ANKS1B: variants seen among roughly 807,000 people sequenced by gnomAD.
ANKS1B encodes the protein ankyrin repeat and sterile alpha motif domain-containing protein 1B.
In ANKS1B, 36 loss-of-function variants were observed where a neutral mutation model predicts 148.3. The observed-to-expected ratio is 0.24, with a 90% CI of 0.19 to 0.32. ANKS1B has a LOEUF of 0.32. Among genes scored for constraint, ANKS1B ranks in the 10% least tolerant of loss-of-function variants. The pLI is 1.00. For synonymous variants in ANKS1B, 542 were observed against 560.8 expected, an observed-to-expected ratio of 0.97 and a Z score of 0.47; for missense variants, 1,157 against 1,542.6, an observed-to-expected ratio of 0.75 and a Z score of 4.19.
intron 11 of ANKS1B, among the ~76,000 whole-genome samples, chr12:99,413,620 T>A (rs1323140874): frequency 6.6e-6 from 1 of 152,374 alleles, no homozygotes; most frequent in Non-Finnish European, 1.5e-5. Flanking sequence ...ACATTTTTTA[T>A]AAGAGAAAGG....
Position 99,955,986 on chromosome 12 carries a change from G to A in ANKS1B, c.134+28118C>T, listed in dbSNP as rs551529330. Among the ~76,000 whole-genome samples the A allele has an allele frequency of 4.5e-4, 68 of 152,146 alleles. No individual in the cohort carries two copies. In the South Asian group the frequency reaches 0.014, roughly 31 times the overall value. On this transcript the variant is annotated intron_variant, in intron 1 of 26. Transcript: ENST00000683438. Reference sequence around the variant, plus strand: ...TAATGGTCTTAAAATAAAAGTACATGGGATGAGGCTGGGTGCCATGGCTCA... The same window carrying A: ...TAATGGTCTTAAAATAAAAGTACATAGGATGAGGCTGGGTGCCATGGCTCA...
chr12:98,872,215 G>A (rs1188589369), intron 17 of ANKS1B, among the ~76,000 whole-genome samples: 1 of 152,146 alleles, frequency 6.6e-6, no homozygotes, highest in Non-Finnish European at 1.5e-5. Flanking sequence ...ACCTATGAAT[G>A]AGACTGTAGT....
At chr12:99,427,773 G>C (rs1409288957) in intron 11 of ANKS1B, among the ~76,000 whole-genome samples, 1 of 152,182 alleles carries the variant, frequency 6.6e-6, no homozygotes, top group African/African-American at 2.4e-5. Flanking sequence ...GGGCATCTCA[G>C]TGAAGATGGG....
At chr12:99,751,607 T>C (rs2061111959) in intron 8 of ANKS1B, among the ~76,000 whole-genome samples, 1 of 152,096 alleles carries the variant, frequency 6.6e-6, no homozygotes, top group Admixed American at 6.6e-5. Flanking sequence ...ATTCTTCTTT[T>C]GTTCATTGAT....
intron 1 of ANKS1B, among the ~76,000 whole-genome samples, chr12:99,877,040 T>A (rs1363723096): frequency 6.6e-6 from 1 of 152,154 alleles, no homozygotes; most frequent in Non-Finnish European, 1.5e-5. Flanking sequence ...GTGTCTATAC[T>A]GATATACTGG....
chr12:99,835,876 A>C (rs892365160), intron 1 of ANKS1B, among the ~76,000 whole-genome samples: 1 of 152,352 alleles, frequency 6.6e-6, no homozygotes, highest in Admixed American at 6.5e-5. Context: ...CCACCATAGC[A>C]CACGTTTACC....
At chr12:99,625,319 T>C (rs994090894) in intron 9 of ANKS1B, among the ~76,000 whole-genome samples, 2 of 152,018 alleles carry the variant, frequency 1.3e-5, no homozygotes, top group African/African-American at 4.8e-5. Context: ...ATCAATCATA[T>C]CCCAAACCTC....
At chr12:98,735,711 T>C in intron 9 of ANKS1B, 6 of 655,288 alleles carry the variant, frequency 9.2e-6, no homozygotes, top group Non-Finnish European at 1.7e-5. Context: ...AGATGTACCA[T>C]GTGCCTGGCA....
chr12:98,845,723 CTT>C lies in ANKS1B; in HGVS notation c.2779-13589_2779-13588del, dbSNP rs79874270. Among the ~76,000 whole-genome samples, 1,282 of 142,118 alleles carry C rather than the reference CTT, an allele frequency of 9.0e-3. 26 individuals carry two copies. Among genetic ancestry groups the C allele is most frequent in the African/African-American group, 0.032 (1,233 of 38,762 alleles). The allele number at this position is 142,118 out of a possible 152,430, so 93.2% of individuals were successfully genotyped here. ...AGTAATGATTCCCAGATAATTAAAA[CTT>C]TTTTTTTTTTTTAATTAAGGTAACT... On this transcript the variant is annotated intron_variant, in intron 17 of 26. Transcript: ENST00000683438.
chr12:99,983,594 G>A (rs954821919), intron 1 of ANKS1B, among the ~76,000 whole-genome samples: 1 of 152,156 alleles, frequency 6.6e-6, no homozygotes, highest in Non-Finnish European at 1.5e-5. Flanking sequence ...CATCTCACCA[G>A]AAAGAAGGTT....
At chr12:99,577,216 A>G (rs919472691) in intron 9 of ANKS1B, among the ~76,000 whole-genome samples, 2 of 151,440 alleles carry the variant, frequency 1.3e-5, no homozygotes, top group African/African-American at 4.8e-5. Flanking sequence ...GTGTACATGC[A>G]ATTTTCTGTC....
At chr12:99,410,158 C>T (rs2094644466) in intron 11 of ANKS1B, among the ~76,000 whole-genome samples, 1 of 152,144 alleles carries the variant, frequency 6.6e-6, no homozygotes, top group African/African-American at 2.4e-5. Context: ...ATATTAGTAA[C>T]ACATGAAAAT....
At chr12:98,800,800 C>T (rs867941981) in intron 21 of ANKS1B, among the ~76,000 whole-genome samples, 197 bp downstream of exon 21, 5 of 151,554 alleles carry the variant, frequency 3.3e-5, no homozygotes, top group East Asian at 1.9e-4. Context: ...AAGATTAAAA[C>T]GGTTTTAAAG....
chr12:98,763,346 G>T (rs1011025811), intron 25 of ANKS1B, among the ~76,000 whole-genome samples: 4 of 152,132 alleles, frequency 2.6e-5, no homozygotes, highest in Non-Finnish European at 2.9e-5. Context: ...TTCATAGATT[G>T]TACAGAAATA....
chr12:99,427,748 C>T (rs887465747), intron 11 of ANKS1B, among the ~76,000 whole-genome samples: 3 of 152,038 alleles, frequency 2.0e-5, no homozygotes, highest in Admixed American at 6.6e-5. Context: ...ATGAGTAAAA[C>T]GGATGAATGA....
intron 1 of ANKS1B, among the ~76,000 whole-genome samples, chr12:99,922,120 ATAAT>A (rs1566004079): frequency 6.6e-6 from 1 of 152,204 alleles, no homozygotes; most frequent in African/African-American, 2.4e-5. Flanking sequence ...GGGAGTTGTT[ATAAT>A]TAAATACATT....
At chr12:99,066,408 C>T (rs1224731924) in intron 16 of ANKS1B, among the ~76,000 whole-genome samples, 1 of 152,124 alleles carries the variant, frequency 6.6e-6, no homozygotes, top group African/African-American at 2.4e-5. Context: ...AGAGCAAAGG[C>T]CCTCAGGAAG....
intron 12 of ANKS1B, among the ~76,000 whole-genome samples, chr12:99,282,992 A>G (rs1206822886): frequency 6.6e-6 from 1 of 152,194 alleles, no homozygotes. Flanking sequence ...AATAGCGGAG[A>G]CAAGAACTAA....
At chr12:99,189,447 AAACAC>A (rs2080335992) in intron 14 of ANKS1B, among the ~76,000 whole-genome samples, 1 of 152,198 alleles carries the variant, frequency 6.6e-6, no homozygotes, top group African/African-American at 2.4e-5. Context: ...ATCCTCAATA[AAACAC>A]TGGCAAACCG....
Sources: allele counts gnomAD v4.1 joint callset (sites outside exome capture counted in the v4.1 genomes callset), GRCh38; gene constraint gnomAD v4.1.1; transcripts MANE v1.5; gene names NCBI Gene and HGNC (gene_info 2026-07-23, HGNC 2026-07-21).